The following ADSS2 variants were observed in gnomAD, a reference collection of about 807,000 sequenced individuals.
ADSS2 encodes the protein adenylosuccinate synthase 2, also known as adenylosuccinate synthetase isozyme 2.
ADSS2 carries 30 observed loss-of-function variants against 60.0 expected under a neutral mutation model. That is an observed-to-expected ratio of 0.50 (90% CI 0.37 to 0.68). The LOEUF (loss-of-function observed/expected upper bound fraction) is 0.68. Ranked by LOEUF, ADSS2 falls within the 30% of genes least tolerant of loss-of-function variation. The pLI is 0.00. For synonymous variants in ADSS2, 187 were observed against 193.1 expected (o/e 0.97, Z 0.26); for missense variants, 373 against 554.8 (o/e 0.67, Z 3.29).
intron 1 of ADSS2, among the ~76,000 whole-genome samples, chr1:244,445,203 A>G (rs1327625109): frequency 6.6e-6 from 1 of 152,196 alleles, no homozygotes; most frequent in Non-Finnish European, 1.5e-5. Flanking sequence ...CTTTAAACAA[A>G]TCCCCATTTT....
chr1:244,447,246 G>C (rs1470693419), intron 1 of ADSS2, among the ~76,000 whole-genome samples: 1 of 152,140 alleles, frequency 6.6e-6, no homozygotes, highest in African/African-American at 2.4e-5. Flanking sequence ...AAGATAGCTG[G>C]ATTCGTATCC....
rs1342826298 is a variant in ADSS2 at position 244,432,698 on chromosome 1, CTG to C, written c.356-105_356-104del. On this transcript the variant is annotated intron_variant, in intron 3 of 12. Coordinates refer to ENST00000366535, the MANE Select transcript of ADSS2 (RefSeq NM_001126.5). ...TTTTTTTTTGAGACAGAGTCTCGCT[CTG>C]TCACCCAGGCTGGAGTGCAGTGGTG... The C allele has an allele frequency of 5.8e-6, 4 of 689,120 alleles. No individual in the cohort carries two copies. In the African/African-American group the frequency reaches 9.1e-5, roughly 16 times the overall value. The allele number at this position is 689,120 out of a possible 1,614,324, so 42.7% of individuals were successfully genotyped here.
At chr1:244,440,882 T>C (rs529678205) in intron 1 of ADSS2, among the ~76,000 whole-genome samples, 3 of 152,344 alleles carry the variant, frequency 2.0e-5, no homozygotes, top group African/African-American at 7.2e-5. Flanking sequence ...CTTATCATAC[T>C]GGTCCCATAA....
At chr1:244,428,888 A>T (rs1664867759) in intron 4 of ADSS2, among the ~76,000 whole-genome samples, 1 of 152,208 alleles carries the variant, frequency 6.6e-6, no homozygotes, top group African/African-American at 2.4e-5. Context: ...AATTCATAAC[A>T]TTCATGGAAT....
chr1:244,447,012 T>C (rs1163669739), intron 1 of ADSS2, among the ~76,000 whole-genome samples: 2 of 152,308 alleles, frequency 1.3e-5, no homozygotes, highest in Middle Eastern at 3.4e-3. Flanking sequence ...ATGAATCAAA[T>C]ATAAATTTTG....
intron 11 of ADSS2, among the ~76,000 whole-genome samples, chr1:244,412,415 T>TTTTA (rs1664436385): frequency 2.0e-5 from 3 of 152,092 alleles, no homozygotes; most frequent in Admixed American, 1.3e-4. Flanking sequence ...AGCTCTAAAA[T>TTTTA]GAGAACTAAG....
intron 7 of ADSS2, among the ~76,000 whole-genome samples, chr1:244,421,577 C>T (rs1664676279): frequency 6.6e-6 from 1 of 152,184 alleles, no homozygotes; most frequent in Admixed American, 6.5e-5. Context: ...TATTATTCTT[C>T]ACCTACTTTA....
chr1:244,416,438 C>T (rs1003820230), intron 10 of ADSS2, among the ~76,000 whole-genome samples: 3 of 152,208 alleles, frequency 2.0e-5, no homozygotes, highest in African/African-American at 7.2e-5. Flanking sequence ...GCACCTCAGC[C>T]TCCTGAGTAC....
chr1:244,436,690 A>G (rs1395986783), intron 3 of ADSS2, 135 bp downstream of exon 3: 2 of 625,210 alleles, frequency 3.2e-6, no homozygotes, highest in Non-Finnish European at 5.5e-6. Context: ...AAAACTTAAT[A>G]ACTGACATTA....
chr1:244,432,116 T>C (rs1379366290), intron 4 of ADSS2, among the ~76,000 whole-genome samples: 2 of 152,240 alleles, frequency 1.3e-5, no homozygotes, highest in African/African-American at 4.8e-5. Flanking sequence ...TGGTAGTGGT[T>C]GAAATTTAGG....
At position 244,424,049 on chromosome 1, in the gene ADSS2, G is replaced by C; in HGVS notation, c.485C>G (p.Thr162Arg). 2 of 1,611,604 alleles carry C rather than the reference G, an allele frequency of 1.2e-6. No individual in the cohort carries two copies. The highest frequency in any genetic ancestry group is 1.7e-6 in the Non-Finnish European group (2 of 1,179,210). ...QEQAGKNLGTTKKGIGPVYSS... is the reference protein window; with the variant it reads ...QEQAGKNLGTRKKGIGPVYSS... ...ATAAACTGGGCCAATGCCCTTTTTT[G>C]TTGTACCCAAACTTAAAAACAAATC... The change falls in exon 6 of 13, where the codon ACA (threonine) becomes AGA (arginine). Residue 162 changes from threonine (T) to arginine (R), a missense_variant. Transcript: ENST00000366535.
At chr1:244,426,835 A>G (rs1014452946) in intron 4 of ADSS2, among the ~76,000 whole-genome samples, 3 of 151,922 alleles carry the variant, frequency 2.0e-5, no homozygotes, top group South Asian at 2.1e-4. Context: ...CTGAGTTACT[A>G]TTTCTCCTCA....
rs551129086 is a variant in ADSS2, at chr1:244,430,765, C to T, written c.406+1780G>A. On this transcript the variant is annotated intron_variant, in intron 4 of 12. Transcript: ENST00000366535. Reference sequence around the variant, plus strand: ...TAGTAAGTGTAAGCAAACAAAAATGCTACAAAAGTACTTCACAAAAACATA... The same window carrying T: ...TAGTAAGTGTAAGCAAACAAAAATGTTACAAAAGTACTTCACAAAAACATA... Among the ~76,000 whole-genome samples the T allele has an allele frequency of 1.6e-4, 25 of 152,260 alleles. No homozygotes were observed. The South Asian group carries it at 4.6e-3, about 28-fold the overall frequency.
At chr1:244,438,996 A>C (rs1336148893) in intron 1 of ADSS2, among the ~76,000 whole-genome samples, 2 of 152,076 alleles carry the variant, frequency 1.3e-5, no homozygotes, top group Admixed American at 1.3e-4. Flanking sequence ...TTATCTAACT[A>C]TATTTGTATA....
chr1:244,422,806 A>G, intron 7 of ADSS2, 29 bp downstream of exon 7: 1 of 1,520,774 alleles, frequency 6.6e-7, no homozygotes, highest in South Asian at 1.2e-5. Flanking sequence ...AGTATTAAAA[A>G]GAACATTAAA....
Position 244,451,619 on chromosome 1 carries a change from G to A in ADSS2, c.183+16C>T. 1.9e-6 allele frequency: 3 copies of A among 1,599,562 alleles called. No homozygotes were observed. In the Admixed American group the frequency reaches 5.1e-5, roughly 27 times the overall value. On this transcript the variant is annotated intron_variant, in intron 1 of 12. Transcript: ENST00000366535. This position sits in a 1 kb window ranked among gnomAD's most constrained non-coding sequence, Gnocchi z 6.6. Reference sequence around the variant, plus strand: ...CTCCCGGGCCCGGCTTCCCATGAGAGGCCCCGTCGCCTCACCTGGCAGCGG... The same window carrying A: ...CTCCCGGGCCCGGCTTCCCATGAGAAGCCCCGTCGCCTCACCTGGCAGCGG...
chr1:244,434,096 A>T (rs1230292031), intron 3 of ADSS2, among the ~76,000 whole-genome samples: 1 of 150,608 alleles, frequency 6.6e-6, no homozygotes, highest in Non-Finnish European at 1.5e-5. Context: ...TAATCCTAGC[A>T]CTTTGGGTGA....
chr1:244,422,781 C>G (rs1276735970), intron 7 of ADSS2, 54 bp downstream of exon 7: 1 of 1,357,570 alleles, frequency 7.4e-7, no homozygotes, highest in African/African-American at 1.4e-5. Flanking sequence ...GATCTAGATG[C>G]CAATTTGGCA....
chr1:244,437,899 C>T (rs910444307), intron 1 of ADSS2, 131 bp from the exon 2 acceptor site: 50 of 696,070 alleles, frequency 7.2e-5, no homozygotes, highest in Admixed American at 3.2e-4. Context: ...ACCACCTCTA[C>T]TCATTTGTAA....
Sources: gnomAD v4.1 joint callset for allele counts (sites outside exome capture counted in the v4.1 genomes callset) on GRCh38, gnomAD v4.1.1 for gene constraint, Gnocchi (gnomAD v3.1) non-coding constraint, MANE v1.5 for transcripts, NCBI Gene and HGNC (gene_info 2026-07-23, HGNC 2026-07-21) for gene names.